RLIM: variants seen among roughly 807,000 people sequenced by gnomAD.
RLIM encodes the protein E3 ubiquitin-protein ligase RLIM.
A neutral mutation model predicts 34.0 loss-of-function variants in RLIM; 2 were observed. The observed-to-expected ratio is 0.06, with a 90% CI of 0.02 to 0.19. The LOEUF is 0.19. Ranked by LOEUF, RLIM falls within the 10% of genes least tolerant of loss-of-function variation. The pLI is 1.00. For missense variants in RLIM, 286 were observed against 479.7 expected (o/e 0.60, Z 3.77); for synonymous variants, 169 against 164.0 (o/e 1.03, Z -0.23).
intron 1 of RLIM, among the ~76,000 whole-genome samples, chrX:74,608,443 A>AAAGAAC (rs904564024): frequency 9.1e-6 from 1 of 110,283 alleles, no homozygotes; most frequent in African/African-American, 3.3e-5. Flanking sequence ...AAAAAAAAAA[A>AAAGAAC]AAGAACAGGC....
chrX:74,599,765 G>A (rs1475911801), intron 1 of RLIM, among the ~76,000 whole-genome samples: 1 of 111,194 alleles, frequency 9.0e-6, no homozygotes, highest in Non-Finnish European at 1.9e-5. Flanking sequence ...CCCAGTTTAT[G>A]ATATTCTATT....
intron 1 of RLIM, among the ~76,000 whole-genome samples, chrX:74,612,302 TTTG>T (rs1233427930): frequency 4.5e-5 from 5 of 112,301 alleles, no homozygotes; most frequent in East Asian, 2.8e-4. Context: ...CAACAAATTT[TTTG>T]TTGTTGTTGT....
intron 1 of RLIM, among the ~76,000 whole-genome samples, chrX:74,598,290 A>G (rs891725934): frequency 9.0e-6 from 1 of 111,424 alleles, no homozygotes; most frequent in African/African-American, 3.3e-5. Flanking sequence ...ACCCTCAACT[A>G]GAAGTGACAT....
rs745803463 is a variant in RLIM, at chrX:74,593,708, G to A, written c.253+598C>T. On this transcript the variant is annotated intron_variant, in intron 3 of 3. Coordinates refer to ENST00000332687, the MANE Select transcript of RLIM (RefSeq NM_016120.4). ...CATGTTCAAGAACCAAATTATTATC[G>A]TAGCCTCTCAGGTTGCACAATCAAA... Among the ~76,000 whole-genome samples, 4 of 112,363 alleles carry A rather than the reference G, an allele frequency of 3.6e-5. No homozygotes were observed. In the South Asian group the frequency reaches 1.1e-3, roughly 31 times the overall value.
chrX:74,597,224 C>T lies in RLIM; in HGVS notation c.-23-1224G>A, dbSNP rs956121344. On this transcript the variant is annotated intron_variant, in intron 1 of 3. Coordinates refer to ENST00000332687, the MANE Select transcript of RLIM (RefSeq NM_016120.4). ...GAGTTAGTGAAATTATGTTTGAGTG[C>T]AGAAGCTGAAGAAATGTGTCCAGAG... Among the ~76,000 whole-genome samples, 3 of 111,912 alleles carry T rather than the reference C, an allele frequency of 2.7e-5. No homozygotes were observed. The Admixed American group carries it at 2.8e-4, about 11-fold the overall frequency.
At position 74,589,078 on chromosome X, in the gene RLIM, T is replaced by C. The variant is rs1234368348; in HGVS notation, c.*2362A>G. On this transcript the variant is annotated 3_prime_UTR_variant, in exon 4 of 4. Coordinates refer to ENST00000332687, the MANE Select transcript of RLIM (RefSeq NM_016120.4). The stretch of plus-strand genomic sequence containing the variant: ...TTCCAGTGTTTATGAATAGCTTCAA[T>C]ATCTACATTCATAGCCAGCATTCTG... The C allele has an allele frequency of 8.9e-6, 1 of 112,080 alleles. No homozygotes were observed. The highest frequency in any genetic ancestry group is 3.2e-5 in the African/African-American group (1 of 30,897). The allele number at this position is 112,080 out of a possible 1,213,427, so 9.2% of individuals were successfully genotyped here.
chrX:74,598,778 CAAAAA>C (rs36109028), intron 1 of RLIM, among the ~76,000 whole-genome samples: 1 of 65,892 alleles, frequency 1.5e-5, no homozygotes, highest in Non-Finnish European at 3.3e-5. Flanking sequence ...GACTCTGTTT[CAAAAA>C]AAAAAAAAAA....
rs928277281 is a variant in RLIM at position 74,585,310 on chromosome X, A to G, written c.*6130T>C. The G allele has an allele frequency of 8.9e-6, 1 of 112,380 alleles. No individual in the cohort carries two copies. The highest frequency in any genetic ancestry group is 2.8e-4 in the East Asian group (1 of 3,613). The allele number at this position is 112,380 out of a possible 1,213,427, so 9.3% of individuals were successfully genotyped here. The stretch of plus-strand genomic sequence containing the variant: ...ACAACACAGATAAAACGGAAGTTAT[A>G]ACATATAAACCAGTACCTGCCCACA... On this transcript the variant is annotated 3_prime_UTR_variant, in exon 4 of 4. Coordinates refer to ENST00000332687, the MANE Select transcript of RLIM (RefSeq NM_016120.4).
At chrX:74,612,954 G>A (rs780313711) in intron 1 of RLIM, among the ~76,000 whole-genome samples, 4 of 111,807 alleles carry the variant, frequency 3.6e-5, no homozygotes, top group Non-Finnish European at 1.9e-5. Flanking sequence ...CATTACACTA[G>A]CCTAAGGTAG....
At position 74,585,671 on chromosome X, in the gene RLIM, G is replaced by A; in HGVS notation, c.*5769C>T. 1 of 112,111 alleles carries A rather than the reference G, an allele frequency of 8.9e-6. No individual in the cohort carries two copies. 9.2% of individuals were successfully genotyped at this position (112,111 alleles called of 1,213,427 possible). On this transcript the variant is annotated 3_prime_UTR_variant, in exon 4 of 4. Transcript: ENST00000332687. ...TAACTTTTAGCAGTTGTAAAGCACT[G>A]TACAAAAGAAAACTGTGTACATTCT...
In RLIM at chrX:74,587,472, A is replaced by T. The variant is rs1316192541; in HGVS notation, c.*3968T>A. On this transcript the variant is annotated 3_prime_UTR_variant, in exon 4 of 4. Transcript: ENST00000332687. Reference sequence around the variant, plus strand: ...CCTGTAAGGTAAAACTTAAAAAAAAAATCAAATAAGGCAGATTATAATTTT... The same window carrying T: ...CCTGTAAGGTAAAACTTAAAAAAAATATCAAATAAGGCAGATTATAATTTT... 2.7e-5 allele frequency: 3 copies of T among 112,190 alleles called. No individual in the cohort carries two copies. In the East Asian group the frequency reaches 8.4e-4, roughly 31 times the overall value. The allele number at this position is 112,190 out of a possible 1,213,427, so 9.2% of individuals were successfully genotyped here.
intron 1 of RLIM, among the ~76,000 whole-genome samples, chrX:74,598,951 T>C (rs894002509): frequency 7.2e-5 from 8 of 111,527 alleles, no homozygotes; most frequent in Non-Finnish European, 1.1e-4. Context: ...TAATAAGGAA[T>C]ACTAGCTATG....
Position 74,584,697 on chromosome X carries a change from C to T in RLIM, c.*6743G>A, listed in dbSNP as rs1201050729. Among the ~76,000 whole-genome samples the T allele has an allele frequency of 9.0e-6, 1 of 111,362 alleles. No homozygotes were observed. Among genetic ancestry groups the T allele is most frequent in the Non-Finnish European group, 1.9e-5 (1 of 53,113 alleles). On this transcript the variant is annotated 3_prime_UTR_variant, in exon 4 of 4. Coordinates refer to ENST00000332687, the MANE Select transcript of RLIM (RefSeq NM_016120.4). ...GCTCAAGTGATTCTACCACCTCAGC[C>T]TCCCAAGTAGCTGGGACCACAGCTG...
At chrX:74,611,640 C>A (rs1040048814) in intron 1 of RLIM, among the ~76,000 whole-genome samples, 10 of 111,879 alleles carry the variant, frequency 8.9e-5, no homozygotes, top group Admixed American at 3.8e-4. Context: ...TAAGTATTAA[C>A]AAAAGTTTCT....
chrX:74,612,297 A>G (rs1046420662), intron 1 of RLIM, among the ~76,000 whole-genome samples: 1 of 112,165 alleles, frequency 8.9e-6, no homozygotes, highest in Admixed American at 9.5e-5. Flanking sequence ...TAAGACAACA[A>G]ATTTTTTGTT....
At chrX:74,601,521 C>T (rs1359951255) in intron 1 of RLIM, among the ~76,000 whole-genome samples, 1 of 111,521 alleles carries the variant, frequency 9.0e-6, no homozygotes, top group Admixed American at 9.5e-5. Context: ...AATACAAACC[C>T]CCCCCCAAAA....
At chrX:74,593,888 C>T (rs2079627748) in intron 3 of RLIM, among the ~76,000 whole-genome samples, 1 of 112,230 alleles carries the variant, frequency 8.9e-6, no homozygotes. Flanking sequence ...GCATTCCTGC[C>T]CTCTACACAA....
intron 1 of RLIM, among the ~76,000 whole-genome samples, chrX:74,611,042 T>C (rs2079708573): frequency 8.9e-6 from 1 of 112,288 alleles, no homozygotes; most frequent in African/African-American, 3.2e-5. Context: ...TACTTTCTTA[T>C]ATTGGACATC....
At chrX:74,606,825 A>G (rs769111346) in intron 1 of RLIM, among the ~76,000 whole-genome samples, 3 of 111,837 alleles carry the variant, frequency 2.7e-5, no homozygotes, top group Non-Finnish European at 5.6e-5. Context: ...AATTTTAAAA[A>G]GTGAGTCATC....
Sources: allele counts gnomAD v4.1 joint callset (sites outside exome capture counted in the v4.1 genomes callset), GRCh38; gene constraint gnomAD v4.1.1; transcripts MANE v1.5; gene names NCBI Gene and HGNC (gene_info 2026-07-23, HGNC 2026-07-21).